The following RYR3 variants were observed in gnomAD, a reference collection of about 807,000 sequenced individuals.
RYR3 encodes the protein brain ryanodine receptor-calcium release channel.
RYR3 carries 207 observed loss-of-function variants against 584.3 expected under a neutral mutation model. That is an observed-to-expected ratio of 0.35 (90% CI 0.32 to 0.40). The LOEUF is 0.40. Among genes scored for constraint, RYR3 ranks in the 10% least tolerant of loss-of-function variants. The pLI, the probability that RYR3 is intolerant of heterozygous loss-of-function variation, is 1.00. For synonymous variants in RYR3, 2,416 were observed against 2,248.5 expected, an observed-to-expected ratio of 1.07 and a Z score of -2.11; for missense variants, 5,616 against 6,089.2, an observed-to-expected ratio of 0.92 and a Z score of 2.59.
At chr15:33,334,595 G>A (rs1970739523) in intron 1 of RYR3, among the ~76,000 whole-genome samples, 1 of 152,072 alleles carries the variant, frequency 6.6e-6, no homozygotes. Context: ...GATAACCTAG[G>A]CAATACGATT....
chr15:33,793,979 AATAAAT>A lies in RYR3; in HGVS notation c.9830+5525_9830+5530del, dbSNP rs1300966010. ...ATTTATTTATGTAAATGTATATATA[AATAAAT>A]ATATAAATACATATAATACACATAA... is the stretch of plus-strand genomic sequence containing the variant. On this transcript the variant is annotated intron_variant, in intron 67 of 103. Transcript: ENST00000634891. Among the ~76,000 whole-genome samples the A allele has an allele frequency of 5.5e-4, 45 of 81,500 alleles. No homozygotes were observed. The East Asian group carries it at 0.011, about 20-fold the overall frequency. The allele number at this position is 81,500 out of a possible 152,430, so 53.5% of individuals were successfully genotyped here. A position where few individuals can be genotyped will look rare whatever the true frequency, so the allele number is the denominator to read the frequency against.
intron 11 of RYR3, among the ~76,000 whole-genome samples, chr15:33,565,956 G>A (rs2152489686): frequency 6.6e-6 from 1 of 152,272 alleles, no homozygotes; most frequent in Middle Eastern, 3.4e-3. Flanking sequence ...GATTCTAGGT[G>A]CCATGCCAAT....
At chr15:33,571,646 G>A (rs929240786) in intron 12 of RYR3, among the ~76,000 whole-genome samples, 4 of 151,988 alleles carry the variant, frequency 2.6e-5, no homozygotes, top group Non-Finnish European at 4.4e-5. Flanking sequence ...TTGTTTGTAT[G>A]GCATATTGTC....
chr15:33,649,474 C>CA (rs1472737567), intron 31 of RYR3, among the ~76,000 whole-genome samples: 2 of 152,198 alleles, frequency 1.3e-5, no homozygotes, highest in East Asian at 1.9e-4. Context: ...AAAATATAGA[C>CA]AGAGAATGGG....
chr15:33,459,145 A>G (rs1000906630), intron 1 of RYR3, among the ~76,000 whole-genome samples: 1 of 152,242 alleles, frequency 6.6e-6, no homozygotes, highest in Non-Finnish European at 1.5e-5. Flanking sequence ...GCTAGGGCCC[A>G]GGCATCAATA....
Position 33,827,253 on chromosome 15 carries a change from T to C in RYR3, c.11300T>C (p.Ile3767Thr), listed in dbSNP as rs1352403141. The change falls in exon 85 of 104, where the codon ATC (isoleucine) becomes ACC (threonine). Residue 3767 changes from isoleucine (I) to threonine (T), a missense_variant. Coordinates refer to ENST00000634891, the MANE Select transcript of RYR3 (RefSeq NM_001036.6). ...QMGNTTTVNV[I>T]ISTVDYLLRL... ...GGCAACACCACCACCGTGAATGTCA[T>C]CATCAGCACTGTGGACTACCTTCTG... is the stretch of plus-strand genomic sequence containing the variant. The C allele has an allele frequency of 6.4e-7, 1 of 1,552,940 alleles. No homozygotes were observed. The highest frequency in any genetic ancestry group is 8.7e-7 in the Non-Finnish European group (1 of 1,147,890).
chr15:33,756,278 C>T, intron 58 of RYR3, 28 bp from the exon 59 acceptor site: 1 of 1,535,020 alleles, frequency 6.5e-7, no homozygotes, highest in South Asian at 1.2e-5. Context: ...TAACTCTGGC[C>T]AACTTTGTGT....
chr15:33,751,399 G>T (rs939781467), intron 57 of RYR3, among the ~76,000 whole-genome samples: 2 of 151,932 alleles, frequency 1.3e-5, no homozygotes, highest in African/African-American at 4.8e-5. Context: ...AGCATCTGTT[G>T]TTTCCTGACT....
At chr15:33,786,799 A>AATCCAACACTGGTATTTAC (rs1319571733) in intron 66 of RYR3, among the ~76,000 whole-genome samples, 1 of 152,218 alleles carries the variant, frequency 6.6e-6, no homozygotes, top group African/African-American at 2.4e-5. Flanking sequence ...AAAGGGAACT[A>AATCCAACACTGGTATTTAC]TTAATCCAAC....
In RYR3 at chr15:33,865,327, T is replaced by TAAATGCCTCCCTTAAAAA; in HGVS notation, c.*105_*122dup. 1 of 804,396 alleles carries TAAATGCCTCCCTTAAAAA rather than the reference T, an allele frequency of 1.2e-6. No individual in the cohort carries two copies. The highest frequency in any genetic ancestry group is 1.8e-5 in the South Asian group (1 of 54,482). 49.8% of individuals were successfully genotyped at this position (804,396 alleles called of 1,614,324 possible). ...AACATATCTGAAATGTGACATTTTC[T>TAAATGCCTCCCTTAAAAA]AAATGCCTCCCTTAAAAAAAAAACT... is the stretch of plus-strand genomic sequence containing the variant. On this transcript the variant is annotated 3_prime_UTR_variant, in exon 104 of 104. Transcript: ENST00000634891.
intron 69 of RYR3, among the ~76,000 whole-genome samples, chr15:33,805,801 G>T (rs2076176305): frequency 6.6e-6 from 1 of 151,966 alleles, no homozygotes. Flanking sequence ...TATTCCCTTT[G>T]TTCTTGCACT....
intron 86 of RYR3, among the ~76,000 whole-genome samples, chr15:33,831,870 T>G (rs555325269): frequency 2.0e-5 from 3 of 152,320 alleles, no homozygotes; most frequent in South Asian, 2.1e-4. Context: ...ATTCATTCAT[T>G]CATCAAAACG....
intron 1 of RYR3, among the ~76,000 whole-genome samples, chr15:33,403,747 T>C (rs1261713670): frequency 6.6e-6 from 1 of 152,212 alleles, no homozygotes; most frequent in African/African-American, 2.4e-5. Flanking sequence ...AATTCAAGTA[T>C]TTCTAAAAAC....
rs1049374652 is a variant in RYR3, at chr15:33,530,616, A to G, written c.304A>G (p.Thr102Ala). 2 of 1,613,398 alleles carry G rather than the reference A, an allele frequency of 1.2e-6. No individual in the cohort carries two copies. The highest frequency in any genetic ancestry group is 1.7e-6 in the Non-Finnish European group (2 of 1,179,656). The change falls in exon 4 of 104, where the codon ACC becomes GCC. Residue 102 changes from threonine (T) to alanine (A), a missense_variant. Around this residue, in one of 9 missense-constraint regions of RYR3, gnomAD observed 1,284 missense variants for 1,344.6 expected, o/e 0.95. Transcript: ENST00000634891. Reference protein sequence around the residue: ...EGAAQGGGHRTLLYGHAVLLR... With the variant: ...EGAAQGGGHRALLYGHAVLLR... The stretch of plus-strand genomic sequence containing the variant: ...GGCAGCACAAGGAGGTGGCCACAGG[A>G]CCCTGTTATACGGCCATGCAGTTCT...
rs117587013 is a variant in RYR3 at position 33,853,156 on chromosome 15, C to T, written c.13671+69C>T. 2.9e-3 allele frequency: 3,619 copies of T among 1,266,104 alleles called. 6 individuals are homozygous for T. The highest frequency in any genetic ancestry group is 3.6e-3 in the Non-Finnish European group (3,318 of 919,076). 78.4% of individuals were successfully genotyped at this position (1,266,104 alleles called of 1,614,324 possible). On this transcript the variant is annotated intron_variant, in intron 95 of 103. Transcript: ENST00000634891. ...TGTGGTGTATGTTTTTTAAGTTCTC[C>T]ACATACAAACATGAGTAAATGTGAT...
intron 96 of RYR3, 91 bp from the exon 97 acceptor site, chr15:33,854,298 C>A: frequency 1.0e-6 from 1 of 982,610 alleles, no homozygotes; most frequent in South Asian, 1.5e-5. Flanking sequence ...GGTTATTAAA[C>A]CTGAGAGAAA....
intron 42 of RYR3, among the ~76,000 whole-genome samples, chr15:33,704,697 T>G (rs187713465): frequency 6.6e-6 from 1 of 152,266 alleles, no homozygotes; most frequent in Admixed American, 6.5e-5. Context: ...TGCCACAAGG[T>G]TTTGAACTCC....
At chr15:33,832,293 C>A (rs76108259) in intron 86 of RYR3, among the ~76,000 whole-genome samples, 13 of 140,338 alleles carry the variant, frequency 9.3e-5, no homozygotes, top group Non-Finnish European at 9.3e-5. Context: ...GACTCAGTCT[C>A]AAAAAAAAAA....
intron 5 of RYR3, among the ~76,000 whole-genome samples, chr15:33,538,784 C>G (rs140572655): frequency 5.3e-4 from 81 of 152,238 alleles, no homozygotes; most frequent in African/African-American, 1.8e-3. Context: ...TACTGAAAGA[C>G]CTGGGTTTTC....
Sources: allele counts gnomAD v4.1 joint callset (sites outside exome capture counted in the v4.1 genomes callset), GRCh38; gene constraint gnomAD v4.1.1; regional missense constraint gnomAD v4.1.1; transcripts MANE v1.5; gene names NCBI Gene and HGNC (gene_info 2026-07-23, HGNC 2026-07-21).